RANBP1: variants seen among roughly 807,000 people sequenced by gnomAD.
The protein encoded by RANBP1 is ran-specific GTPase-activating protein.
A neutral mutation model predicts 31.4 loss-of-function variants in RANBP1; 16 were observed. The observed-to-expected ratio is 0.51, with a 90% CI of 0.34 to 0.77. The LOEUF is 0.77. Among genes scored for constraint, RANBP1 ranks in the 30% least tolerant of loss-of-function variants. The probability of loss-of-function intolerance (pLI) is 0.01; values close to 1 mark genes in which losing one functional copy is unlikely to be tolerated. For synonymous variants in RANBP1, 129 were observed against 140.5 expected (o/e 0.92, Z 0.58); for missense variants, 265 against 362.0 (o/e 0.73, Z 2.17).
chr22:20,116,597 C>G, intron 1 of RANBP1, 167 bp downstream of exon 1: 1 of 1,545,698 alleles, frequency 6.5e-7, no homozygotes, highest in Non-Finnish European at 8.7e-7. Context: ...CCACAGCTCT[C>G]CATGGGCTTC....
rs570239195 is a variant in RANBP1 at position 20,118,453 on chromosome 22, C to T, written c.247-560C>T. On this transcript the variant is annotated intron_variant, in intron 1 of 5. Transcript: ENST00000430524. ...AGTTTTCTGAACTGTGAAAAAATTG[C>T]TGGCAGAGCTGTGAATCCAGTGTAA... 1.1e-5 allele frequency: 8 copies of T among 743,040 alleles called. No homozygotes were observed. The Admixed American group carries it at 2.5e-4, about 23-fold the overall frequency. The allele number at this position is 743,040 out of a possible 1,614,324, so 46.0% of individuals were successfully genotyped here.
chr22:20,117,888 T>G, intron 1 of RANBP1: 1 of 1,012,522 alleles, frequency 9.9e-7, no homozygotes, highest in Non-Finnish European at 1.2e-6. Flanking sequence ...GCCTGGGGGC[T>G]GCAGGGCCCC....
At chr22:20,117,083 G>A in intron 1 of RANBP1, 1 of 821,250 alleles carries the variant, frequency 1.2e-6, no homozygotes, top group East Asian at 2.7e-5. Context: ...CCCCAGGCGG[G>A]GCGGGACTCG....
intron 3 of RANBP1, chr22:20,125,023 G>C: frequency 2.4e-6 from 1 of 410,214 alleles, no homozygotes; most frequent in East Asian, 5.6e-5. Context: ...CTTGAACACA[G>C]CTCAGGAGCT....
intron 2 of RANBP1, among the ~76,000 whole-genome samples, chr22:20,121,861 C>G (rs2050178085): frequency 7.2e-6 from 1 of 138,534 alleles, no homozygotes; most frequent in African/African-American, 2.7e-5. Context: ...GCCTCAGCCT[C>G]CTGAGTAGCT....
chr22:20,117,756 C>A, intron 1 of RANBP1: 9 of 1,073,646 alleles, frequency 8.4e-6, no homozygotes, highest in Non-Finnish European at 1.0e-5. Flanking sequence ...CCGCCACCAA[C>A]CTCCGCCGGC....
chr22:20,119,456 C>A, intron 2 of RANBP1: 1 of 342,912 alleles, frequency 2.9e-6, no homozygotes. Context: ...CTTGGTTGAG[C>A]AGGGGGTTTT....
At chr22:20,124,910 A>T (rs1449712164) in intron 3 of RANBP1, 1 of 250,768 alleles carries the variant, frequency 4.0e-6, no homozygotes, top group Non-Finnish European at 7.8e-6. Flanking sequence ...AATCAAGGGG[A>T]TCAGGGTTGG....
At chr22:20,121,802 A>G (rs2238799) in intron 2 of RANBP1, among the ~76,000 whole-genome samples, 62,102 of 151,586 alleles carry the variant, frequency 0.41, 13,231 homozygotes, top group East Asian at 0.68. Flanking sequence ...GCAGTGGGGC[A>G]ATCTCCACTC....
rs1366666255 is a variant in RANBP1, at chr22:20,125,244, C to T, written c.542-64C>T. On this transcript the variant is annotated intron_variant, in intron 3 of 5. Coordinates refer to ENST00000430524, the MANE Select transcript of RANBP1 (RefSeq NM_001278639.2). ...GTTGGTGAGCAGGGTGCTCTGTGGC[C>T]GAGGGCTGGGTGGGCTGGCCTTTGC... The T allele has an allele frequency of 1.3e-5, 21 of 1,597,982 alleles. No individual in the cohort carries two copies. In the East Asian group the frequency reaches 2.5e-4, roughly 19 times the overall value.
Position 20,116,409 on chromosome 22 carries a change from C to T in RANBP1, c.225C>T (p.Ser75=), listed in dbSNP as rs367866262. 90 of 1,611,672 alleles carry T rather than the reference C, an allele frequency of 5.6e-5. No homozygotes were observed. Among genetic ancestry groups the T allele is most frequent in the Non-Finnish European group, 7.6e-5 (90 of 1,178,974 alleles). The change falls in exon 1 of 6, where the codon AGC becomes AGT. Residue 75 remains serine, a synonymous_variant. Coordinates refer to ENST00000430524, the MANE Select transcript of RANBP1 (RefSeq NM_001278639.2). ...TGGCGTGGCGAGGCACGTTCTGCAG[C>T]TCCAGTTTAAAGATCTCAGAGGTAA... ...LKLAWRGTFC[S]SSLKISEDTH...
In RANBP1 at chr22:20,126,361, A is replaced by G. The variant is rs748888365; in HGVS notation, c.729A>G (p.Glu243=). 7.4e-6 allele frequency: 12 copies of G among 1,614,066 alleles called. No homozygotes were observed. The South Asian group carries it at 1.3e-4, about 18-fold the overall frequency. ...EECRKEIEER[E]KKAGSGKNDH... ...GCAGGAAAGAGATCGAAGAGAGAGA[A>G]AAGAAAGGTGACGTGGTGCCATGGG... Residue 243 remains glutamate, a synonymous_variant, in exon 5 of 6, where the codon GAA becomes GAG. Transcript: ENST00000430524.
intron 4 of RANBP1, chr22:20,125,743 T>G (rs1395259903): frequency 9.2e-7 from 1 of 1,083,688 alleles, no homozygotes; most frequent in East Asian, 4.5e-5. Context: ...TTGCGGAGCC[T>G]GAGGCCCAAC....
At chr22:20,116,823 A>ACCCCCCCCCCC in intron 1 of RANBP1, 4 of 1,294,022 alleles carry the variant, frequency 3.1e-6, no homozygotes, top group Admixed American at 2.0e-5. Flanking sequence ...AGGTTTCCTG[A>ACCCCCCCCCCC]CCCACCCCGC....
At position 20,121,651 on chromosome 22, in the gene RANBP1, C is replaced by G. The variant is rs894249447; in HGVS notation, c.384-613C>G. ...CCTTGAACTCCTGCGCTCAAGGGAT[C>G]CTCCTCCCTCTGCCTCTTGAGTAGC... On this transcript the variant is annotated intron_variant, in intron 2 of 5. Coordinates refer to ENST00000430524, the MANE Select transcript of RANBP1 (RefSeq NM_001278639.2). 5.1e-4 allele frequency among the ~76,000 whole-genome samples: 77 copies of G among 152,092 alleles called. 2 individuals carry two copies. The highest frequency in any genetic ancestry group is 1.9e-4 in the Non-Finnish European group (13 of 68,004).
At chr22:20,125,552 G>A (rs1231667638) in intron 4 of RANBP1, 116 bp downstream of exon 4, 1 of 1,537,190 alleles carries the variant, frequency 6.5e-7, no homozygotes, top group Non-Finnish European at 8.7e-7. Context: ...TAACTGGGAA[G>A]TGTGTCGTGT....
rs1408242989 is a variant in RANBP1 at position 20,126,161 on chromosome 22, G to A, written c.671-142G>A. 8 of 988,342 alleles carry A rather than the reference G, an allele frequency of 8.1e-6. No individual in the cohort carries two copies. The South Asian group carries it at 9.7e-5, about 12-fold the overall frequency. The allele number at this position is 988,342 out of a possible 1,614,324, so 61.2% of individuals were successfully genotyped here. The stretch of plus-strand genomic sequence containing the variant: ...ATGAAGGAGACAGAAGGCCAGGGCC[G>A]ATGTCAGGTGGACCAGTCCTTTCTT... On this transcript the variant is annotated intron_variant, in intron 4 of 5. Coordinates refer to ENST00000430524, the MANE Select transcript of RANBP1 (RefSeq NM_001278639.2).
At chr22:20,126,771 C>T in intron 5 of RANBP1, 181 bp from the exon 6 acceptor site, 2 of 1,334,926 alleles carry the variant, frequency 1.5e-6, no homozygotes, top group Admixed American at 2.5e-5. Flanking sequence ...CACCTGGCTT[C>T]CTTTCGTCAC....
At chr22:20,119,200 A>G (rs947518271) in intron 2 of RANBP1, 51 bp downstream of exon 2, 2 of 1,561,728 alleles carry the variant, frequency 1.3e-6, no homozygotes, top group South Asian at 1.1e-5. Flanking sequence ...TGAGGTTACA[A>G]CTTTTATGGG....
Sources: gnomAD v4.1 joint callset for allele counts (sites outside exome capture counted in the v4.1 genomes callset) on GRCh38, gnomAD v4.1.1 for gene constraint, MANE v1.5 for transcripts, NCBI Gene and HGNC (gene_info 2026-07-23, HGNC 2026-07-21) for gene names.